The following SMOC2 variants were observed in gnomAD, a reference collection of about 807,000 sequenced individuals.
SMOC2 encodes SPARC related modular calcium binding 2.
SMOC2 carries 39 observed loss-of-function variants against 61.4 expected under a neutral mutation model. The ratio of observed to expected loss-of-function variants is 0.64; its 90% CI spans 0.49 to 0.83. SMOC2 has a LOEUF of 0.83. SMOC2 is among the 40% of genes least tolerant of loss of function. The probability of loss-of-function intolerance (pLI) is 0.00; values close to 1 mark genes in which losing one functional copy is unlikely to be tolerated. For missense variants in SMOC2, 556 were observed against 592.9 expected (o/e 0.94, Z 0.65); for synonymous variants, 247 against 239.9 (o/e 1.03, Z -0.27).
chr6:168,650,071 T>C (rs1787153236), intron 9 of SMOC2, among the ~76,000 whole-genome samples: 1 of 152,168 alleles, frequency 6.6e-6, no homozygotes, highest in Non-Finnish European at 1.5e-5. Context: ...GTTGGGTGCC[T>C]GAATTATTCC....
At chr6:168,598,602 G>A (rs1785388624) in intron 7 of SMOC2, among the ~76,000 whole-genome samples, 1 of 152,184 alleles carries the variant, frequency 6.6e-6, no homozygotes, top group East Asian at 1.9e-4. Flanking sequence ...ATGCTGTTGA[G>A]AGATCCGTGA....
chr6:168,484,976 C>T (rs1017529575), intron 1 of SMOC2, among the ~76,000 whole-genome samples: 3 of 151,990 alleles, frequency 2.0e-5, no homozygotes, highest in Non-Finnish European at 2.9e-5. Context: ...TTGATGGAGA[C>T]AGGGGTTGAG....
At chr6:168,607,379 A>G (rs1441046565) in intron 8 of SMOC2, among the ~76,000 whole-genome samples, 1 of 152,160 alleles carries the variant, frequency 6.6e-6, no homozygotes, top group African/African-American at 2.4e-5. Flanking sequence ...GGCAGTGTTT[A>G]TGAGCTGTTT....
At chr6:168,631,319 C>T (rs1048531319) in intron 9 of SMOC2, among the ~76,000 whole-genome samples, 4 of 152,116 alleles carry the variant, frequency 2.6e-5, no homozygotes, top group Non-Finnish European at 5.9e-5. Flanking sequence ...AAAAGTCAGG[C>T]CTTGGAGCAT....
intron 2 of SMOC2, among the ~76,000 whole-genome samples, chr6:168,513,723 TC>T (rs1783064355): frequency 6.6e-6 from 1 of 152,156 alleles, no homozygotes; most frequent in Admixed American, 6.5e-5. Flanking sequence ...TGCGAGTGAG[TC>T]CATGCTGTTC....
At chr6:168,470,010 T>G (rs1434684983) in intron 1 of SMOC2, among the ~76,000 whole-genome samples, 1 of 152,264 alleles carries the variant, frequency 6.6e-6, no homozygotes, top group African/African-American at 2.4e-5. Context: ...TATAAGTGAC[T>G]GTGTGCTTCA....
At chr6:168,616,260 A>T (rs1247472858) in intron 9 of SMOC2, among the ~76,000 whole-genome samples, 1 of 152,240 alleles carries the variant, frequency 6.6e-6, no homozygotes, top group African/African-American at 2.4e-5. Context: ...ATACTACTGT[A>T]ATTCTGGGGA....
chr6:168,642,561 G>C (rs181838474), intron 9 of SMOC2, among the ~76,000 whole-genome samples: 1 of 152,162 alleles, frequency 6.6e-6, no homozygotes, highest in Admixed American at 6.5e-5. Context: ...CGTACCTGTC[G>C]TGAGGAAACT....
rs143395170 is a variant in SMOC2 at position 168,655,262 on chromosome 6, C to G, written c.1285+2034C>G. On this transcript the variant is annotated intron_variant, in intron 11 of 12. Coordinates refer to ENST00000356284, the MANE Select transcript of SMOC2 (RefSeq NM_001166412.2). ...AACTCACCAACCCTGCACCTGAGCT[C>G]CAACTAAACGTTAGGCCAGTTCACA... 599 of 384,924 alleles carry G rather than the reference C, an allele frequency of 1.6e-3. 15 individuals carry two copies. The East Asian group carries it at 0.036, about 23-fold the overall frequency. 23.8% of individuals were successfully genotyped at this position (384,924 alleles called of 1,614,324 possible).
At chr6:168,539,286 G>A (rs923047157) in intron 4 of SMOC2, among the ~76,000 whole-genome samples, 3 of 152,162 alleles carry the variant, frequency 2.0e-5, no homozygotes, top group African/African-American at 7.2e-5. Flanking sequence ...TCTAGCCAGA[G>A]AGGCACCTGT....
chr6:168,495,956 T>C (rs1159374401), intron 1 of SMOC2, among the ~76,000 whole-genome samples: 1 of 152,236 alleles, frequency 6.6e-6, no homozygotes, highest in African/African-American at 2.4e-5. Flanking sequence ...ATGGGTGCCC[T>C]GCATGCATTT....
rs555030873 is a variant in SMOC2 at position 168,464,609 on chromosome 6, C to CA, written c.84+23159dup. On this transcript the variant is annotated intron_variant, in intron 1 of 12. Transcript: ENST00000356284. ...CTTTCTGCATCTAAGGCTCAGAAAC[C>CA]AAAATGCCAGAATCAACTATGGTAG... 3.6e-3 allele frequency among the ~76,000 whole-genome samples: 539 copies of CA among 151,828 alleles called. 9 individuals carry two copies. The highest frequency in any genetic ancestry group is 1.3e-3 in the Non-Finnish European group (90 of 67,968).
chr6:168,487,137 C>G (rs1406048835), intron 1 of SMOC2, among the ~76,000 whole-genome samples: 5 of 152,232 alleles, frequency 3.3e-5, no homozygotes, highest in African/African-American at 1.2e-4. Flanking sequence ...CTTCTTGTTG[C>G]TGGTTGCTCG....
intron 1 of SMOC2, among the ~76,000 whole-genome samples, chr6:168,470,920 C>T (rs1781955659): frequency 6.6e-6 from 1 of 152,070 alleles, no homozygotes; most frequent in African/African-American, 2.4e-5. Flanking sequence ...TCATTTGAGG[C>T]ATTTCCAGAA....
In SMOC2 at chr6:168,537,659, C is replaced by T. The variant is rs184731620; in HGVS notation, c.464-5966C>T. 5.1e-3 allele frequency among the ~76,000 whole-genome samples: 779 copies of T among 152,354 alleles called. 4 individuals are homozygous for T. The highest frequency in any genetic ancestry group is 0.028 in the South Asian group (133 of 4,832). ...GGTTGGCTTCTCACAGGCCTGGAGCCCCTAAGAACACAGGACCGCTGCTGC... is the reference window on the plus strand; with the variant it reads ...GGTTGGCTTCTCACAGGCCTGGAGCTCCTAAGAACACAGGACCGCTGCTGC... On this transcript the variant is annotated intron_variant, in intron 4 of 12. Transcript: ENST00000356284.
rs1462757149 is a variant in SMOC2 at position 168,598,807 on chromosome 6, C to T, written c.638-11C>T. ...GATCCTGCTCACCTTTTGCCTTCTT[C>T]TTCCCCGCAGTGTCATCCTGTGACC... is the stretch of plus-strand genomic sequence containing the variant. On this transcript the variant is annotated splice_polypyrimidine_tract_variant and intron_variant, in intron 7 of 12. Transcript: ENST00000356284. 3 of 1,613,376 alleles carry T rather than the reference C, an allele frequency of 1.9e-6. No homozygotes were observed. Among genetic ancestry groups the T allele is most frequent in the East Asian group, 4.5e-5 (2 of 44,860 alleles).
At chr6:168,573,905 G>A (rs771673644) in intron 7 of SMOC2, among the ~76,000 whole-genome samples, 10 of 152,160 alleles carry the variant, frequency 6.6e-5, no homozygotes, top group Non-Finnish European at 1.3e-4. Context: ...TGGGTCACAC[G>A]TCCACCCCTG....
chr6:168,566,088 G>A (rs2115133524), intron 7 of SMOC2, among the ~76,000 whole-genome samples: 1 of 152,218 alleles, frequency 6.6e-6, no homozygotes, highest in East Asian at 1.9e-4. Context: ...TAGTTGAAGT[G>A]AACTAAGAAA....
rs138709405 is a variant in SMOC2, at chr6:168,625,055, C to T, written c.907+16816C>T. On this transcript the variant is annotated intron_variant, in intron 9 of 12. Transcript: ENST00000356284. ...CAAAATGAACAGAGTGATGTGGACC[C>T]CGACCCTGCCCCCTGGACACTGTGA... is the stretch of plus-strand genomic sequence containing the variant. Among the ~76,000 whole-genome samples the T allele has an allele frequency of 5.2e-3, 799 of 152,288 alleles. 13 individuals are homozygous for T. The highest frequency in any genetic ancestry group is 0.018 in the African/African-American group (748 of 41,558).
Sources: gnomAD v4.1 joint callset for allele counts (sites outside exome capture counted in the v4.1 genomes callset) on GRCh38, gnomAD v4.1.1 for gene constraint, MANE v1.5 for transcripts, NCBI Gene and HGNC (gene_info 2026-07-23, HGNC 2026-07-21) for gene names.